The following UBA3 variants were observed in gnomAD, a reference collection of about 807,000 sequenced individuals.
UBA3 encodes the protein ubiquitin like modifier activating enzyme 3.
Under a neutral mutation model 73.5 loss-of-function variants are expected in UBA3, and 26 were observed. The ratio of observed to expected loss-of-function variants is 0.35; its 90% confidence interval spans 0.26 to 0.49. The LOEUF (loss-of-function observed/expected upper bound fraction) is 0.49, where lower values mean the gene tolerates loss of function less well. Among genes scored for constraint, UBA3 ranks in the 20% least tolerant of loss-of-function variants. The pLI is 0.98. For synonymous variants in UBA3, 217 were observed against 191.2 expected (o/e 1.13, Z -1.11); for missense variants, 495 against 555.6 (o/e 0.89, Z 1.10).
intron 2 of UBA3, among the ~76,000 whole-genome samples, chr3:69,078,311 A>C (rs1234281639): frequency 6.6e-6 from 1 of 152,220 alleles, no homozygotes. Context: ...ATTAGGAAAT[A>C]TGAGATACAA....
In UBA3 at chr3:69,055,243, A is replaced by T; in HGVS notation, c.*194T>A. 1 of 389,818 alleles carries T rather than the reference A, an allele frequency of 2.6e-6. No homozygotes were observed. Among genetic ancestry groups the T allele is most frequent in the Non-Finnish European group, 4.6e-6 (1 of 215,340 alleles). The allele number at this position is 389,818 out of a possible 1,614,324, so 24.1% of individuals were successfully genotyped here. ...TCCAGGTATCATTTCTCATATTATT[A>T]ATGAAAATGCTTACAAGCACCAACA... On this transcript the variant is annotated 3_prime_UTR_variant, in exon 18 of 18. Coordinates refer to ENST00000361055, the MANE Select transcript of UBA3 (RefSeq NM_003968.4).
chr3:69,060,394 A>C (rs927050113), intron 11 of UBA3, among the ~76,000 whole-genome samples: 2 of 152,216 alleles, frequency 1.3e-5, no homozygotes, highest in Non-Finnish European at 2.9e-5. Context: ...GGCTAGTAAC[A>C]TCAAAGAATC....
intron 5 of UBA3, among the ~76,000 whole-genome samples, chr3:69,068,479 C>T (rs894907312): frequency 4.6e-5 from 7 of 150,580 alleles, no homozygotes; most frequent in African/African-American, 1.7e-4. Flanking sequence ...TTTTGTGTCC[C>T]CTAAGAAGCT....
chr3:69,071,232 CG>C, intron 5 of UBA3: 1 of 232,636 alleles, frequency 4.3e-6, no homozygotes, highest in South Asian at 5.8e-5. Context: ...GAAGAGCTAC[CG>C]TTCTTTCCTT....
intron 7 of UBA3, 107 bp from the exon 8 acceptor site, chr3:69,063,610 T>C (rs984799306): frequency 4.3e-6 from 4 of 920,204 alleles, no homozygotes; most frequent in East Asian, 2.9e-5. Context: ...TGGTGCAAGA[T>C]GTTGATTAGG....
chr3:69,064,135 A>G (rs1365584238), intron 6 of UBA3, 24 bp from the exon 7 acceptor site: 2 of 1,581,420 alleles, frequency 1.3e-6, no homozygotes, highest in Non-Finnish European at 1.7e-6. Flanking sequence ...AAGGAACTTA[A>G]GCAGCTAAGT....
chr3:69,075,407 A>G, intron 4 of UBA3, 23 bp downstream of exon 4: 1 of 1,123,060 alleles, frequency 8.9e-7, no homozygotes, highest in Non-Finnish European at 1.2e-6. Context: ...AAAAATATTT[A>G]TATATATATG....
chr3:69,058,279 A>G (rs1354633848), intron 11 of UBA3, among the ~76,000 whole-genome samples: 1 of 152,208 alleles, frequency 6.6e-6, no homozygotes, highest in African/African-American at 2.4e-5. Context: ...TTAAAAGTAC[A>G]AAATAAATAC....
intron 17 of UBA3, 133 bp downstream of exon 17, chr3:69,055,718 T>C (rs886268557): frequency 2.1e-6 from 2 of 946,872 alleles, no homozygotes; most frequent in Non-Finnish European, 1.6e-6. Context: ...TATTAATATG[T>C]CTAAAGTTGT....
chr3:69,062,640 TTCTTATCCC>T (rs2092030983), intron 9 of UBA3, among the ~76,000 whole-genome samples: 2 of 152,348 alleles, frequency 1.3e-5, no homozygotes, highest in South Asian at 4.1e-4. Flanking sequence ...GGAAAGATCA[TTCTTATCCC>T]TGGTATCTTT....
rs1039216418 is a variant in UBA3 at position 69,076,945 on chromosome 3, G to T, written c.183+853C>A. 3.3e-5 allele frequency among the ~76,000 whole-genome samples: 5 copies of T among 150,524 alleles called. No homozygotes were observed. The East Asian group carries it at 9.7e-4, about 29-fold the overall frequency. On this transcript the variant is annotated intron_variant, in intron 3 of 17. Coordinates refer to ENST00000361055, the MANE Select transcript of UBA3 (RefSeq NM_003968.4). ...AAACTCACAAAACATGAGATAACAC[G>T]AAAACATATAAAACTCTTAGAAAAT...
intron 2 of UBA3, 144 bp downstream of exon 2, chr3:69,079,968 G>C (rs995269483): frequency 8.7e-6 from 6 of 692,320 alleles, no homozygotes; most frequent in Non-Finnish European, 1.4e-5. Flanking sequence ...CTGCGGGGCG[G>C]GGATCAGGGG....
At chr3:69,059,798 C>T (rs1176156780) in intron 11 of UBA3, among the ~76,000 whole-genome samples, 1 of 151,986 alleles carries the variant, frequency 6.6e-6, no homozygotes, top group East Asian at 1.9e-4. Flanking sequence ...TGGTAATGAT[C>T]TTGGGCAAAA....
rs749731983 is a variant in UBA3 at position 69,055,532 on chromosome 3, CAG to C, written c.1304-9_1304-8del. 1.3e-6 allele frequency: 2 copies of C among 1,575,916 alleles called. No individual in the cohort carries two copies. Among genetic ancestry groups the C allele is most frequent in the South Asian group, 2.4e-5 (2 of 83,120 alleles). ...CCATCAACAAGCCCCAATTCTAAAA[CAG>C]AAAAAATATTATTAATACAAGCAAA... On this transcript the variant is annotated splice_region_variant and splice_polypyrimidine_tract_variant and intron_variant, in intron 17 of 17. Transcript: ENST00000361055.
chr3:69,060,431 A>C (rs1160540413), intron 11 of UBA3, among the ~76,000 whole-genome samples: 1 of 152,204 alleles, frequency 6.6e-6, no homozygotes, highest in Non-Finnish European at 1.5e-5. Context: ...TGTAAACAAA[A>C]AAACAACAAC....
intron 9 of UBA3, 59 bp downstream of exon 9, chr3:69,062,919 ATAAT>A (rs1247564901): frequency 1.9e-5 from 30 of 1,571,114 alleles, no homozygotes; most frequent in African/African-American, 1.8e-4. Flanking sequence ...ACTAGACTTA[ATAAT>A]TAATCCCTAA....
At position 69,055,416 on chromosome 3, in the gene UBA3, T is replaced by C. The variant is rs1553682145; in HGVS notation, c.*21A>G. The C allele has an allele frequency of 7.0e-7, 1 of 1,434,710 alleles. No individual in the cohort carries two copies. Among genetic ancestry groups the C allele is most frequent in the South Asian group, 1.5e-5 (1 of 64,598 alleles). The allele number at this position is 1,434,710 out of a possible 1,614,324, so 88.9% of individuals were successfully genotyped here. A position where few individuals can be genotyped will look rare whatever the true frequency, so the allele number is the denominator to read the frequency against. On this transcript the variant is annotated 3_prime_UTR_variant, in exon 18 of 18. Coordinates refer to ENST00000361055, the MANE Select transcript of UBA3 (RefSeq NM_003968.4). ...CAAAGTATATTATTTCCATGAGTTTTCTATTATGTGGAGATTTTCCTTAAG... is the reference window on the plus strand; with the variant it reads ...CAAAGTATATTATTTCCATGAGTTTCCTATTATGTGGAGATTTTCCTTAAG...
chr3:69,062,850 T>G, intron 9 of UBA3, 132 bp downstream of exon 9: 1 of 1,128,650 alleles, frequency 8.9e-7, no homozygotes, highest in Non-Finnish European at 1.3e-6. Flanking sequence ...ATATTTTATC[T>G]TTCTTCTTAG....
rs746711049 is a variant in UBA3, at chr3:69,080,321, C to T, written c.20+13G>A. ...AGCCCAGCCCGGCGCGTCTGCAGAG[C>T]CCCGGTACTTACGGCTCCTCGCCAT... On this transcript the variant is annotated intron_variant, in intron 1 of 17. Coordinates refer to ENST00000361055, the MANE Select transcript of UBA3 (RefSeq NM_003968.4). The T allele has an allele frequency of 3.6e-5, 58 of 1,604,338 alleles. No individual in the cohort carries two copies. The highest frequency in any genetic ancestry group is 2.2e-4 in the East Asian group (10 of 44,510).
Sources: allele counts gnomAD v4.1 joint callset (sites outside exome capture counted in the v4.1 genomes callset), GRCh38; gene constraint gnomAD v4.1.1; transcripts MANE v1.5; gene names NCBI Gene and HGNC (gene_info 2026-07-23, HGNC 2026-07-21).